PIK3C2G: variants seen among roughly 807,000 people sequenced by gnomAD.
The protein encoded by PIK3C2G is phosphatidylinositol 3-kinase C2 domain-containing subunit gamma.
Under a neutral mutation model 181.1 loss-of-function variants are expected in PIK3C2G, and 168 were observed. The ratio of observed to expected loss-of-function variants is 0.93; its 90% CI spans 0.82 to 1.05. The LOEUF (loss-of-function observed/expected upper bound fraction) is 1.05, where lower values mean the gene tolerates loss of function less well. Among genes scored for constraint, PIK3C2G ranks in the 50% least tolerant of loss-of-function variants. The probability of loss-of-function intolerance (pLI) is 0.00; values close to 1 mark genes in which losing one functional copy is unlikely to be tolerated. For synonymous variants in PIK3C2G, 573 were observed against 592.2 expected (o/e 0.97, Z 0.47); for missense variants, 1,869 against 1,732.8 (o/e 1.08, Z -1.40).
Position 18,503,283 on chromosome 12 carries a change from T to G in PIK3C2G, c.3019T>G (p.Leu1007Val), listed in dbSNP as rs779272663. Residue 1007 changes from leucine (L) to valine (V), a missense_variant and splice_region_variant, in exon 23 of 33, where the codon TTG becomes GTG. By Grantham distance (32) the Leu-to-Val change is conservative. Transcript: ENST00000538779. Reference sequence around the variant, plus strand: ...GTAATCTTTTTTTTCTCTACCAGGATTGGTGCAGATGGTACCTGATGCTGT... The same window carrying G: ...GTAATCTTTTTTTTCTCTACCAGGAGTGGTGCAGATGGTACCTGATGCTGT... ...RCLSTGKDQGLVQMVPDAVTL... is the reference protein window; with the variant it reads ...RCLSTGKDQGVVQMVPDAVTL... 1.3e-6 allele frequency: 2 copies of G among 1,595,510 alleles called. No individual in the cohort carries two copies. The highest frequency in any genetic ancestry group is 2.3e-5 in the South Asian group (2 of 86,966).
At chr12:18,604,995 A>G (rs1403473883) in intron 30 of PIK3C2G, among the ~76,000 whole-genome samples, 4 of 152,162 alleles carry the variant, frequency 2.6e-5, no homozygotes, top group Non-Finnish European at 5.9e-5. Context: ...AGAAACAAGA[A>G]CAAGCCAAAC....
chr12:18,297,410 T>C (rs1326865783), intron 5 of PIK3C2G, among the ~76,000 whole-genome samples: 2 of 152,204 alleles, frequency 1.3e-5, no homozygotes, highest in Non-Finnish European at 2.9e-5. Context: ...TATTTTCTTA[T>C]TGATACATTG....
intron 15 of PIK3C2G, among the ~76,000 whole-genome samples, chr12:18,397,228 C>A (rs1688636736): frequency 6.6e-6 from 1 of 151,686 alleles, no homozygotes; most frequent in African/African-American, 2.4e-5. Flanking sequence ...GAAAAAATCA[C>A]AAGAATCAAT....
At chr12:18,445,258 A>G (rs1312606943) in intron 18 of PIK3C2G, among the ~76,000 whole-genome samples, 2 of 152,130 alleles carry the variant, frequency 1.3e-5, no homozygotes, top group East Asian at 3.8e-4. Context: ...TTCTTTAATT[A>G]ACACAGAACC....
intron 13 of PIK3C2G, among the ~76,000 whole-genome samples, chr12:18,377,533 C>G (rs1942539023): frequency 6.6e-6 from 1 of 152,014 alleles, no homozygotes; most frequent in Non-Finnish European, 1.5e-5. Context: ...TGAAGTTCAC[C>G]CTCAAACACC....
chr12:18,483,983 T>C (rs1447713878), intron 18 of PIK3C2G, among the ~76,000 whole-genome samples: 2 of 152,158 alleles, frequency 1.3e-5, no homozygotes, highest in Non-Finnish European at 2.9e-5. Flanking sequence ...TGGGACATGC[T>C]GTTCTCCAGG....
chr12:18,562,692 C>T lies in PIK3C2G; in HGVS notation c.3591-11C>T. The T allele has an allele frequency of 2.0e-6, 3 of 1,513,982 alleles. No homozygotes were observed. The highest frequency in any genetic ancestry group is 9.1e-7 in the Non-Finnish European group (1 of 1,103,394). 93.8% of individuals were successfully genotyped at this position (1,513,982 alleles called of 1,614,324 possible). A position where few individuals can be genotyped will look rare whatever the true frequency, so the allele number is the denominator to read the frequency against. ...GTGTCACTCACTATCTTTTCTTTTA[C>T]ATTTCTCTAGGAAAATAAAGGAAAG... On this transcript the variant is annotated splice_polypyrimidine_tract_variant and intron_variant, in intron 26 of 32. Transcript: ENST00000538779.
chr12:18,644,752 C>T (rs1407683630), intron 32 of PIK3C2G, among the ~76,000 whole-genome samples: 1 of 152,158 alleles, frequency 6.6e-6, no homozygotes, highest in African/African-American at 2.4e-5. Context: ...CTCATGGTTA[C>T]CGCACTACAC....
Position 18,290,997 on chromosome 12 carries a change from C to T in PIK3C2G, c.904C>T (p.His302Tyr). 2 of 1,600,188 alleles carry T rather than the reference C, an allele frequency of 1.2e-6. No homozygotes were observed. Among genetic ancestry groups the T allele is most frequent in the Non-Finnish European group, 1.7e-6 (2 of 1,168,902 alleles). Residue 302 changes from histidine (H) to tyrosine (Y), a missense_variant, in exon 4 of 33, where the codon CAT becomes TAT. Coordinates refer to ENST00000538779, the MANE Select transcript of PIK3C2G (RefSeq NM_001288772.2). The part of the protein sequence containing the change: ...IFIDNSTQPL[H>Y]FMPCANYLVK... ...TATTGATAACTCAACACAACCTCTT[C>T]ATTTTATGCCATGTGGTAAGCAACC...
the PIK3C2G span, among the ~76,000 whole-genome samples, chr12:18,704,620 C>T: frequency 6.6e-6 from 1 of 152,000 alleles, no homozygotes; most frequent in Non-Finnish European, 1.5e-5. Context: ...AGTCACTGCA[C>T]CGGGCCATAG....
At chr12:18,362,361 G>A (rs1941314446) in intron 11 of PIK3C2G, among the ~76,000 whole-genome samples, 1 of 152,100 alleles carries the variant, frequency 6.6e-6, no homozygotes, top group Non-Finnish European at 1.5e-5. Context: ...TTCCCTCCTT[G>A]GTGGGAAGCC....
intron 18 of PIK3C2G, among the ~76,000 whole-genome samples, chr12:18,486,223 T>C (rs1401110297): frequency 6.6e-6 from 1 of 152,160 alleles, no homozygotes; most frequent in Non-Finnish European, 1.5e-5. Context: ...CATGTAATCT[T>C]GGCAGGGATG....
chr12:18,583,211 A>T (rs1946594449), intron 29 of PIK3C2G, among the ~76,000 whole-genome samples: 2 of 152,142 alleles, frequency 1.3e-5, no homozygotes, highest in Non-Finnish European at 2.9e-5. Context: ...ATAGAGACAG[A>T]GCTCCCAGAG....
At chr12:18,338,606 G>C in intron 9 of PIK3C2G, 58 bp downstream of exon 9, 1 of 1,226,792 alleles carries the variant, frequency 8.2e-7, no homozygotes. Context: ...ACTTAATTAA[G>C]GAGAGTGAAA....
chr12:18,466,315 ATTCT>A (rs1937876876), intron 18 of PIK3C2G, among the ~76,000 whole-genome samples: 1 of 151,636 alleles, frequency 6.6e-6, no homozygotes, highest in Non-Finnish European at 1.5e-5. Context: ...TACGGATCTA[ATTCT>A]TTCTTATTTT....
chr12:18,590,749 C>G (rs1466739121), intron 29 of PIK3C2G, among the ~76,000 whole-genome samples: 1 of 151,814 alleles, frequency 6.6e-6, no homozygotes, highest in Admixed American at 6.6e-5. Context: ...ACTTTTTGTA[C>G]CTTCTTCATC....
chr12:18,262,076 T>C (rs572383388), intron 1 of PIK3C2G, among the ~76,000 whole-genome samples: 2 of 152,122 alleles, frequency 1.3e-5, no homozygotes, highest in Non-Finnish European at 2.9e-5. Flanking sequence ...GGATCCAAAC[T>C]AGAAGCAACT....
At chr12:18,544,713 T>C (rs1039844099) in intron 25 of PIK3C2G, among the ~76,000 whole-genome samples, 1 of 151,860 alleles carries the variant, frequency 6.6e-6, no homozygotes, top group Non-Finnish European at 1.5e-5. Flanking sequence ...GTAATTTAGA[T>C]GTCATGAGTT....
chr12:18,259,144 A>T (rs1442103559), upstream of PIK3C2G, among the ~76,000 whole-genome samples: 1 of 152,112 alleles, frequency 6.6e-6, no homozygotes, highest in South Asian at 2.1e-4. Context: ...TGTAATCTTC[A>T]TGATAGCAGA....
Sources: allele counts gnomAD v4.1 joint callset (sites outside exome capture counted in the v4.1 genomes callset), GRCh38; gene constraint gnomAD v4.1.1; transcripts MANE v1.5; gene names NCBI Gene and HGNC (gene_info 2026-07-23, HGNC 2026-07-21).